Variants in USP24 observed in about 807,000 individuals in gnomAD.
USP24 encodes the protein ubiquitin specific peptidase 24, also known as ubiquitin carboxyl-terminal hydrolase 24.
A neutral mutation model predicts 361.6 loss-of-function variants in USP24; 97 were observed. That is an observed-to-expected ratio of 0.27 (90% CI 0.23 to 0.32). USP24 has a LOEUF of 0.32. Among genes scored for constraint, USP24 ranks in the 10% least tolerant of loss-of-function variants. USP24 has a pLI of 1.00. For synonymous variants in USP24, 1,098 were observed against 1,124.6 expected, an observed-to-expected ratio of 0.98 and a Z score of 0.47; for missense variants, 2,353 against 3,165.6, an observed-to-expected ratio of 0.74 and a Z score of 6.16.
chr1:55,171,514 A>G (rs1481530886), intron 5 of USP24, 42 bp downstream of exon 5: 1 of 1,560,458 alleles, frequency 6.4e-7, no homozygotes, highest in Admixed American at 1.9e-5. Flanking sequence ...CTTCTTTTTC[A>G]ATACATTTTT....
chr1:55,087,014 TTACAATTA>T (rs1443890283), intron 55 of USP24, among the ~76,000 whole-genome samples: 1 of 152,224 alleles, frequency 6.6e-6, no homozygotes, highest in Non-Finnish European at 1.5e-5. Flanking sequence ...ATTAATTTTT[TTACAATTA>T]TAATTATGTT....
intron 24 of USP24, 38 bp downstream of exon 24, chr1:55,141,578 A>C: frequency 9.2e-6 from 14 of 1,518,496 alleles, no homozygotes; most frequent in Non-Finnish European, 1.3e-5. Context: ...AAAAACTGAC[A>C]TATGTGTGTT....
intron 1 of USP24, among the ~76,000 whole-genome samples, chr1:55,210,382 CT>C (rs148573578): frequency 0.038 from 5,780 of 152,048 alleles, 368 homozygotes; most frequent in African/African-American, 0.13. Context: ...TTTAAAGGGC[CT>C]TTTTTTATTT....
At chr1:55,141,420 A>G (rs1241098042) in intron 24 of USP24, among the ~76,000 whole-genome samples, 196 bp downstream of exon 24, 1 of 152,200 alleles carries the variant, frequency 6.6e-6, no homozygotes, top group Non-Finnish European at 1.5e-5. Flanking sequence ...GTGATGACCT[A>G]CACACAGAAC....
chr1:55,096,633 G>C lies in USP24; in HGVS notation c.5937-11C>G. ...CCTTTTCCACACCCTCTAGAACCCA[G>C]AGATCAGACAAACATTATAAGGTTA... On this transcript the variant is annotated splice_polypyrimidine_tract_variant and intron_variant, in intron 49 of 67. Transcript: ENST00000294383. The C allele has an allele frequency of 1.2e-6, 2 of 1,600,706 alleles. No homozygotes were observed. The highest frequency in any genetic ancestry group is 1.7e-6 in the Non-Finnish European group (2 of 1,176,362).
In USP24 at chr1:55,093,875, A is replaced by G. The variant is rs146257757; in HGVS notation, c.6354+62T>C. On this transcript the variant is annotated intron_variant, in intron 52 of 67. Coordinates refer to ENST00000294383, the MANE Select transcript of USP24 (RefSeq NM_015306.3). ...ATCCAGCAGAAGTACTTCTGGACCT[A>G]CTAGATACATTTTGATGTCCACGTG... 8.8e-5 allele frequency: 141 copies of G among 1,598,426 alleles called. 1 individual carries two copies. The African/African-American group carries it at 1.7e-3, about 19-fold the overall frequency.
rs1202885754 is a variant in USP24 at position 55,089,702 on chromosome 1, A to G, written c.6593T>C (p.Leu2198Ser). ...TEEWIATIEA[L>S]LSKSFDACQW... ...ACAAGCATCAAAACTTTTTGAAAGCAATGCTTCAATGGTAGCAATCCATTC... is the reference window on the plus strand; with the variant it reads ...ACAAGCATCAAAACTTTTTGAAAGCGATGCTTCAATGGTAGCAATCCATTC... Residue 2198 changes from leucine (L) to serine (S), a missense_variant, in exon 55 of 68, where the codon TTG becomes TCG. Around this residue, in one of 8 missense-constraint regions of USP24, gnomAD observed 598 missense variants for 761.9 expected, o/e 0.78. Coordinates refer to ENST00000294383, the MANE Select transcript of USP24 (RefSeq NM_015306.3). 1.2e-6 allele frequency: 2 copies of G among 1,604,146 alleles called. No homozygotes were observed. The highest frequency in any genetic ancestry group is 2.2e-5 in the East Asian group (1 of 44,728).
At chr1:55,151,176 A>C (rs2100729627) in intron 16 of USP24, among the ~76,000 whole-genome samples, 1 of 80,108 alleles carries the variant, frequency 1.2e-5, no homozygotes, top group Non-Finnish European at 3.5e-5. Flanking sequence ...CAATGCTCTA[A>C]GTATTTAAAA....
chr1:55,128,729 T>C (rs966194329), intron 32 of USP24, among the ~76,000 whole-genome samples: 2 of 150,532 alleles, frequency 1.3e-5, no homozygotes, highest in Non-Finnish European at 3.0e-5. Flanking sequence ...TTTTTTTTTT[T>C]TTTTGAGACA....
intron 38 of USP24, among the ~76,000 whole-genome samples, chr1:55,116,436 A>G (rs6665711): frequency 0.012 from 1,812 of 152,134 alleles, 38 homozygotes; most frequent in African/African-American, 0.042. Context: ...AGACTAACAC[A>G]AAAAAGGGAG....
chr1:55,199,637 CAGACAGAG>C (rs1400559612), intron 1 of USP24, among the ~76,000 whole-genome samples: 1 of 150,428 alleles, frequency 6.6e-6, no homozygotes, highest in African/African-American at 2.4e-5. Context: ...GAGAGAGAGA[CAGACAGAG>C]AGAGAAGCTA....
intron 1 of USP24, among the ~76,000 whole-genome samples, chr1:55,199,817 T>C (rs1644522357): frequency 6.6e-6 from 1 of 152,134 alleles, no homozygotes; most frequent in African/African-American, 2.4e-5. Context: ...ATGCCACTGA[T>C]AGAGACATAC....
At chr1:55,072,038 T>A (rs968580786) in intron 66 of USP24, 114 bp from the exon 67 acceptor site, 2 of 945,568 alleles carry the variant, frequency 2.1e-6, no homozygotes, top group Non-Finnish European at 3.3e-6. Context: ...GGCCTGAGAG[T>A]GAGGCCTTCA....
At chr1:55,129,672 T>G in intron 31 of USP24, 98 bp from the exon 32 acceptor site, 1 of 891,152 alleles carries the variant, frequency 1.1e-6, no homozygotes, top group Non-Finnish European at 1.7e-6. Flanking sequence ...TTAGAATCTC[T>G]TTAAATGTTG....
At chr1:55,111,249 C>A (rs913022180) in intron 38 of USP24, among the ~76,000 whole-genome samples, 1 of 151,466 alleles carries the variant, frequency 6.6e-6, no homozygotes, top group Non-Finnish European at 1.5e-5. Context: ...ATTATGCAAA[C>A]ATATAATTAA....
intron 51 of USP24, 116 bp from the exon 52 acceptor site, chr1:55,094,203 T>A (rs1253595802): frequency 2.0e-6 from 2 of 1,013,178 alleles, no homozygotes; most frequent in African/African-American, 3.3e-5. Flanking sequence ...ATTATACATG[T>A]ATCGAAACAT....
Position 55,177,981 on chromosome 1 carries a change from T to C in USP24, c.476A>G (p.Tyr159Cys). The change falls in exon 2 of 68, where the codon TAC (tyrosine) becomes TGC (cysteine). Residue 159 changes from tyrosine (Y) to cysteine (C), a missense_variant. Physicochemically the swap from Tyr to Cys is radical, Grantham distance 194. Coordinates refer to ENST00000294383, the MANE Select transcript of USP24 (RefSeq NM_015306.3). ...SLGKCLLASTYLARLGLSESD... is the reference protein window; with the variant it reads ...SLGKCLLASTCLARLGLSESD... Reference sequence around the variant, plus strand: ...TGAAAACTTACCAAGTCTTGCTAGGTAGGTAGATGCCAACAGGCATTTGCC... The same window carrying C: ...TGAAAACTTACCAAGTCTTGCTAGGCAGGTAGATGCCAACAGGCATTTGCC... 3.2e-6 allele frequency: 5 copies of C among 1,551,558 alleles called. No homozygotes were observed. The highest frequency in any genetic ancestry group is 3.5e-6 in the Non-Finnish European group (4 of 1,146,924).
At chr1:55,182,289 G>A (rs567606904) in intron 1 of USP24, among the ~76,000 whole-genome samples, 6 of 152,156 alleles carry the variant, frequency 3.9e-5, no homozygotes, top group South Asian at 2.1e-4. Context: ...TGACCTCATC[G>A]TGATATGCCC....
At chr1:55,096,883 G>T in intron 49 of USP24, 69 bp downstream of exon 49, 2 of 1,532,444 alleles carry the variant, frequency 1.3e-6, no homozygotes, top group Non-Finnish European at 1.8e-6. Context: ...CCACAGCGGT[G>T]AGTATGGATG....
Sources: allele counts gnomAD v4.1 joint callset (sites outside exome capture counted in the v4.1 genomes callset), GRCh38; gene constraint gnomAD v4.1.1; regional missense constraint gnomAD v4.1.1; transcripts MANE v1.5; gene names NCBI Gene and HGNC (gene_info 2026-07-23, HGNC 2026-07-21).